The following SPTBN4 variants were observed in gnomAD, a reference collection of about 807,000 sequenced individuals.
The protein encoded by SPTBN4 is spectrin beta chain, non-erythrocytic 4.
In SPTBN4, 96 loss-of-function variants were observed where a neutral mutation model predicts 277.8. That is an observed-to-expected ratio of 0.35 (90% confidence interval 0.29 to 0.41). The LOEUF (loss-of-function observed/expected upper bound fraction) is 0.41. SPTBN4 is among the 10% of genes least tolerant of loss of function. The pLI, the probability that SPTBN4 is intolerant of heterozygous loss-of-function variation, is 1.00. For missense variants in SPTBN4, 3,006 were observed against 3,595.7 expected, an observed-to-expected ratio of 0.84 and a Z score of 4.19; for synonymous variants, 1,481 against 1,580.3, an observed-to-expected ratio of 0.94 and a Z score of 1.49.
chr19:40,519,825 G>A lies in SPTBN4; in HGVS notation c.3328G>A (p.Ala1110Thr). ...FLDWLVRAQE[A>T]AGGSEGPLPN... ...GGACTGGCTCGTGCGCGCCCAGGAG[G>A]CGGCGGGCGGCAGCGAGGGGCCCCT... Residue 1110 changes from alanine to threonine, a missense_variant, in exon 16 of 36, where the codon GCG (alanine) becomes ACG (threonine). By Grantham distance (58) the Ala-to-Thr change is moderately conservative (BLOSUM62 0). Transcript: ENST00000598249. This position sits in a 1 kb window ranked among gnomAD's most constrained non-coding sequence, Gnocchi z 5.7. 7.0e-7 allele frequency: 1 copy of A among 1,434,530 alleles called. No individual in the cohort carries two copies. Among genetic ancestry groups the A allele is most frequent in the Non-Finnish European group, 9.0e-7 (1 of 1,106,702 alleles). 88.9% of individuals were successfully genotyped at this position (1,434,530 alleles called of 1,614,324 possible). A position where few individuals can be genotyped will look rare whatever the true frequency, so the allele number is the denominator to read the frequency against.
At chr19:40,500,241 T>C (rs1487883686) in intron 7 of SPTBN4, among the ~76,000 whole-genome samples, 1 of 152,052 alleles carries the variant, frequency 6.6e-6, no homozygotes, top group Non-Finnish European at 1.5e-5. Flanking sequence ...TTTGTTGAGT[T>C]TCCCCTCTGT....
chr19:40,513,050 G>C lies in SPTBN4; in HGVS notation c.2261G>C (p.Arg754Pro). The change falls in exon 14 of 36, where the codon CGC becomes CCC. Residue 754 changes from arginine (R) to proline (P), a missense_variant. Physicochemically the swap from Arg to Pro is moderately radical, Grantham distance 103 (BLOSUM62 -2). Coordinates refer to ENST00000598249, the MANE Select transcript of SPTBN4 (RefSeq NM_020971.3). ...GAGCGCGCGGCGAGCGCCCGGCGCC[G>C]CTGGCAGAGGCTGGAAGAGGCGGCG... is the stretch of plus-strand genomic sequence containing the variant. ...LAERAASARR[R>P]WQRLEEAAAR... The C allele has an allele frequency of 1.4e-6, 2 of 1,419,496 alleles. No homozygotes were observed. Among genetic ancestry groups the C allele is most frequent in the Non-Finnish European group, 1.8e-6 (2 of 1,094,122 alleles). 87.9% of individuals were successfully genotyped at this position (1,419,496 alleles called of 1,614,324 possible). A position where few individuals can be genotyped will look rare whatever the true frequency, so the allele number is the denominator to read the frequency against.
chr19:40,545,297 TGTTGGCCAGGCTG>T (rs1159525227), intron 20 of SPTBN4, among the ~76,000 whole-genome samples: 17 of 151,962 alleles, frequency 1.1e-4, no homozygotes, highest in Admixed American at 9.2e-4. Flanking sequence ...GGTTTCACCA[TGTTGGCCAGGCTG>T]GTCTCAAACT....
In SPTBN4 at chr19:40,493,529, G is replaced by T. The variant is rs180863202; in HGVS notation, c.587+475G>T. On this transcript the variant is annotated intron_variant, in intron 5 of 35. Coordinates refer to ENST00000598249, the MANE Select transcript of SPTBN4 (RefSeq NM_020971.3). Reference sequence around the variant, plus strand: ...CAAGACCCCATCTCTACAAAAAGTTGTGGGGTTTTTTTTGTTGTTGTTGTC... The same window carrying T: ...CAAGACCCCATCTCTACAAAAAGTTTTGGGGTTTTTTTTGTTGTTGTTGTC... 5.8e-4 allele frequency among the ~76,000 whole-genome samples: 88 copies of T among 152,282 alleles called. 1 individual carries two copies. The East Asian group carries it at 0.016, about 27-fold the overall frequency.
Position 40,560,821 on chromosome 19 carries a change from C to G in SPTBN4, c.5915+418C>G, listed in dbSNP as rs891394941. 12 of 956,388 alleles carry G rather than the reference C, an allele frequency of 1.3e-5. No individual in the cohort carries two copies. In the African/African-American group the frequency reaches 2.1e-4, roughly 16 times the overall value. The allele number at this position is 956,388 out of a possible 1,614,324, so 59.2% of individuals were successfully genotyped here. ...ATAGTGGTTGGATGTGAGTGTCCAGCAGAATCCTGTCCCCTGGTGATTGGG... is the reference window on the plus strand; with the variant it reads ...ATAGTGGTTGGATGTGAGTGTCCAGGAGAATCCTGTCCCCTGGTGATTGGG... On this transcript the variant is annotated intron_variant, in intron 27 of 35. Coordinates refer to ENST00000598249, the MANE Select transcript of SPTBN4 (RefSeq NM_020971.3). The surrounding 1 kb of genome is among the most constrained non-coding windows in gnomAD (Gnocchi z 5.2).
intron 30 of SPTBN4, chr19:40,567,301 A>ATAAAT (rs1393108001): frequency 1.2e-5 from 1 of 83,234 alleles, no homozygotes; most frequent in African/African-American, 4.5e-5. Context: ...TGTCTCAAAA[A>ATAAAT]TAAATAAATA....
Position 40,570,714 on chromosome 19 carries a change from C to G in SPTBN4, c.7305C>G (p.Arg2435=). ...LLRKRELDAN[R]KSSNRSWVSL... is the part of the protein sequence containing the mutation. Reference sequence around the variant, plus strand: ...GCAAGCGCGAGCTCGACGCTAACCGCAAGTCGTCCAACCGGTGAGCGTGTG... The same window carrying G: ...GCAAGCGCGAGCTCGACGCTAACCGGAAGTCGTCCAACCGGTGAGCGTGTG... The change falls in exon 33 of 36, where the codon CGC becomes CGG. Residue 2435 remains arginine (R), a synonymous_variant. Transcript: ENST00000598249. 6.2e-7 allele frequency: 1 copy of G among 1,608,236 alleles called. No individual in the cohort carries two copies. The highest frequency in any genetic ancestry group is 8.5e-7 in the Non-Finnish European group (1 of 1,177,918).
chr19:40,468,269 G>T (rs1427640999), intron 1 of SPTBN4, among the ~76,000 whole-genome samples: 1 of 151,670 alleles, frequency 6.6e-6, no homozygotes, highest in Admixed American at 6.6e-5. Context: ...TAGACATGGG[G>T]TTTCACTATG....
At position 40,494,533 on chromosome 19, in the gene SPTBN4, A is replaced by G. The variant is rs111167893; in HGVS notation, c.588-364A>G. ...ATATATCTATCATCTATCAACCTAT[A>G]TCTATTATGTATGTATGTATCTATC... is the stretch of plus-strand genomic sequence containing the variant. On this transcript the variant is annotated intron_variant, in intron 5 of 35. Transcript: ENST00000598249. Among the ~76,000 whole-genome samples the G allele has an allele frequency of 1.7e-3, 248 of 149,168 alleles. 1 individual carries two copies. Among genetic ancestry groups the G allele is most frequent in the African/African-American group, 6.1e-3 (239 of 39,376 alleles).
At chr19:40,516,301 ACTCT>A (rs376036578) in intron 15 of SPTBN4, among the ~76,000 whole-genome samples, 7 of 147,832 alleles carry the variant, frequency 4.7e-5, no homozygotes, top group Admixed American at 1.4e-4. Flanking sequence ...AGAATTCAGA[ACTCT>A]CTCTCTCTCT....
chr19:40,490,067 C>A lies in SPTBN4; in HGVS notation c.322-8C>A. The A allele has an allele frequency of 6.3e-7, 1 of 1,595,390 alleles. No homozygotes were observed. The highest frequency in any genetic ancestry group is 1.1e-5 in the South Asian group (1 of 89,310). ...ACCCCCGATCGCCCACCGCCCCTGT[C>A]GCCCTAGCCCAGGCCCACGCGCGGC... On this transcript the variant is annotated splice_polypyrimidine_tract_variant and splice_region_variant and intron_variant, in intron 3 of 35. Transcript: ENST00000598249. The surrounding 1 kb of genome is among the most constrained non-coding windows in gnomAD (Gnocchi z 4.3).
At chr19:40,545,252 C>T (rs528873960) in intron 20 of SPTBN4, among the ~76,000 whole-genome samples, 81 of 152,008 alleles carry the variant, frequency 5.3e-4, no homozygotes, top group African/African-American at 1.6e-3. Flanking sequence ...TGCATCACCA[C>T]GCCTAGCTAA....
chr19:40,504,488 G>A (rs2080301400), intron 12 of SPTBN4, among the ~76,000 whole-genome samples: 1 of 152,082 alleles, frequency 6.6e-6, no homozygotes, highest in Non-Finnish European at 1.5e-5. Context: ...CCAACATGGT[G>A]AAACCCCATC....
Position 40,549,368 on chromosome 19 carries a change from T to C in SPTBN4, c.4539T>C (p.Ala1513=), listed in dbSNP as rs2145923419. The C allele has an allele frequency of 6.5e-7, 1 of 1,530,632 alleles. No homozygotes were observed. Among genetic ancestry groups the C allele is most frequent in the Non-Finnish European group, 8.7e-7 (1 of 1,144,186 alleles). 94.8% of individuals were successfully genotyped at this position (1,530,632 alleles called of 1,614,324 possible). Residue 1513 remains alanine (A), a synonymous_variant, in exon 21 of 36, where the codon GCT becomes GCC. Coordinates refer to ENST00000598249, the MANE Select transcript of SPTBN4 (RefSeq NM_020971.3). ...AGGAGCGCCGCCGCTTGCTGCTGGC[T>C]TCCAAGGAGTTGCACCAGGTGGCGC... The part of the protein sequence containing the change: ...PLQERRRLLL[A]SKELHQVAHD...
intron 13 of SPTBN4, among the ~76,000 whole-genome samples, chr19:40,507,395 C>G (rs1205472004): frequency 1.3e-5 from 2 of 151,858 alleles, no homozygotes; most frequent in African/African-American, 4.8e-5. Context: ...AGGTATGGCT[C>G]AAGGGTGCTT....
At chr19:40,546,196 G>T (rs2080857758) in intron 20 of SPTBN4, among the ~76,000 whole-genome samples, 1 of 143,884 alleles carries the variant, frequency 7.0e-6, no homozygotes, top group Non-Finnish European at 1.5e-5. Flanking sequence ...TTGCACTCCA[G>T]CCTGGGCAAA....
In SPTBN4 at chr19:40,549,411, C is replaced by T; in HGVS notation, c.4582C>T (p.Leu1528=). 1 of 1,092,152 alleles carries T rather than the reference C, an allele frequency of 9.2e-7. No individual in the cohort carries two copies. Among genetic ancestry groups the T allele is most frequent in the South Asian group, 1.4e-5 (1 of 70,540 alleles). The allele number at this position is 1,092,152 out of a possible 1,614,324, so 67.7% of individuals were successfully genotyped here. A position where few individuals can be genotyped will look rare whatever the true frequency, so the allele number is the denominator to read the frequency against. ...HQVAHDLDDE[L]AWVQERLPLA... ...GGTGGCGCACGACCTGGACGACGAG[C>T]TGGTGAGGCCAGCGCAGGGGCCTGG... Residue 1528 remains leucine, a splice_region_variant and synonymous_variant, in exon 21 of 36, where the codon CTG becomes TTG. Coordinates refer to ENST00000598249, the MANE Select transcript of SPTBN4 (RefSeq NM_020971.3).
chr19:40,527,699 G>A (rs962355564), intron 17 of SPTBN4, among the ~76,000 whole-genome samples: 1 of 152,154 alleles, frequency 6.6e-6, no homozygotes, highest in Non-Finnish European at 1.5e-5. Context: ...ACAGAGTGAG[G>A]GGGAAGAGTG....
At position 40,560,838 on chromosome 19, in the gene SPTBN4, G is replaced by GC; in HGVS notation, c.5915+435_5915+436insC. On this transcript the variant is annotated intron_variant, in intron 27 of 35. Coordinates refer to ENST00000598249, the MANE Select transcript of SPTBN4 (RefSeq NM_020971.3). The surrounding 1 kb of genome is among the most constrained non-coding windows in gnomAD (Gnocchi z 5.2). ...GTGTCCAGCAGAATCCTGTCCCCTG[G>GC]TGATTGGGAGCCAGGGTCCTTCCAT... The GC allele has an allele frequency of 1.3e-6, 1 of 788,596 alleles. No individual in the cohort carries two copies. Among genetic ancestry groups the GC allele is most frequent in the Non-Finnish European group, 1.6e-6 (1 of 625,462 alleles). 48.8% of individuals were successfully genotyped at this position (788,596 alleles called of 1,614,324 possible).
Sources: gnomAD v4.1 joint callset for allele counts (sites outside exome capture counted in the v4.1 genomes callset) on GRCh38, gnomAD v4.1.1 for gene constraint, Gnocchi (gnomAD v3.1) non-coding constraint, MANE v1.5 for transcripts, NCBI Gene and HGNC (gene_info 2026-07-23, HGNC 2026-07-21) for gene names.